Variants in RIMS3 observed in about 807,000 individuals in gnomAD.
RIMS3 encodes regulating synaptic membrane exocytosis protein 3.
RIMS3 carries 15 observed loss-of-function variants against 29.2 expected under a neutral mutation model. The ratio of observed to expected loss-of-function variants is 0.51; its 90% CI spans 0.34 to 0.79. RIMS3 has a LOEUF of 0.79. RIMS3 is among the 30% of genes least tolerant of loss of function. RIMS3 has a pLI of 0.01. For missense variants in RIMS3, 342 were observed against 421.4 expected, an observed-to-expected ratio of 0.81 and a Z score of 1.65; for synonymous variants, 161 against 170.1, an observed-to-expected ratio of 0.95 and a Z score of 0.41.
rs534924457 is a variant in RIMS3, at chr1:40,625,360, G to C, written c.*1157C>G. The C allele has an allele frequency of 2.0e-5, 3 of 152,700 alleles. No individual in the cohort carries two copies. The highest frequency in any genetic ancestry group is 4.4e-5 in the Non-Finnish European group (3 of 68,112). The allele number at this position is 152,700 out of a possible 1,614,324, so 9.5% of individuals were successfully genotyped here. ...GGTGGCAGACGAGAGTCCGGAGCCA[G>C]GCTGCTGGAGCCCAGCTAAGTCTGA... is the stretch of plus-strand genomic sequence containing the variant. On this transcript the variant is annotated 3_prime_UTR_variant, in exon 8 of 8. Coordinates refer to ENST00000372684, the MANE Select transcript of RIMS3 (RefSeq NM_014747.3).
chr1:40,673,834 TATC>T, the RIMS3 span, among the ~76,000 whole-genome samples: 1 of 152,216 alleles, frequency 6.6e-6, no homozygotes, highest in Non-Finnish European at 1.5e-5. Context: ...TGCTGTTTAT[TATC>T]TGTGGATCAC....
At chr1:40,679,862 A>G in the RIMS3 span, among the ~76,000 whole-genome samples, 1 of 152,310 alleles carries the variant, frequency 6.6e-6, no homozygotes, top group South Asian at 2.1e-4. Flanking sequence ...ATGAAAACCA[A>G]GAAGAAAGAG....
chr1:40,673,543 C>G, the RIMS3 span: 7 of 152,666 alleles, frequency 4.6e-5, no homozygotes, highest in Middle Eastern at 3.4e-3. Flanking sequence ...GCTCCTGGCC[C>G]TCTTCCCACT....
In RIMS3 at chr1:40,622,308, G is replaced by A. The variant is rs1646425939; in HGVS notation, c.*4209C>T. On this transcript the variant is annotated 3_prime_UTR_variant, in exon 8 of 8. Transcript: ENST00000372684. The stretch of plus-strand genomic sequence containing the variant: ...GACCAGGCCAGTCCAGCCCCCATCA[G>A]GGCTCACCTGATTGTGTGGGCTTCC... The A allele has an allele frequency of 6.6e-6, 1 of 152,642 alleles. No homozygotes were observed. Among genetic ancestry groups the A allele is most frequent in the African/African-American group, 2.4e-5 (1 of 41,448 alleles). 9.5% of individuals were successfully genotyped at this position (152,642 alleles called of 1,614,324 possible).
chr1:40,678,740 A>G, the RIMS3 span, among the ~76,000 whole-genome samples: 4 of 152,238 alleles, frequency 2.6e-5, no homozygotes, highest in African/African-American at 9.6e-5. Flanking sequence ...CTGAAAGCTT[A>G]GCGGGCAGCT....
At position 40,626,699 on chromosome 1, in the gene RIMS3, C is replaced by T; in HGVS notation, c.745G>A (p.Asp249Asn). 6.2e-7 allele frequency: 1 copy of T among 1,614,140 alleles called. No homozygotes were observed. The highest frequency in any genetic ancestry group is 8.5e-7 in the Non-Finnish European group (1 of 1,180,030). ...VIVWGDYGRM[D>N]HKCFMGMAQI... ...GCCATGCCCATGAAGCACTTGTGGT[C>T]CATGCGGCCATAGTCTCCCCAGACG... Residue 249 changes from aspartate to asparagine, a missense_variant, in exon 8 of 8, where the codon GAC (aspartate) becomes AAC (asparagine). By Grantham distance (23) the Asp-to-Asn change is conservative (BLOSUM62 1). Transcript: ENST00000372684.
chr1:40,641,158 C>G (rs1646553272), intron 3 of RIMS3, among the ~76,000 whole-genome samples: 1 of 152,056 alleles, frequency 6.6e-6, no homozygotes, highest in Non-Finnish European at 1.5e-5. Context: ...GTTTTTTAAA[C>G]CAGGGGGTCT....
chr1:40,633,243 C>T, intron 4 of RIMS3, 62 bp from the exon 5 acceptor site: 1 of 1,345,122 alleles, frequency 7.4e-7, no homozygotes, highest in East Asian at 2.3e-5. Flanking sequence ...GAAAGTATAG[C>T]TGGCAGGCTG....
upstream of RIMS3, among the ~76,000 whole-genome samples, chr1:40,670,574 T>TATATATATATATA (rs1642479702): frequency 5.6e-5 from 4 of 71,190 alleles, no homozygotes; most frequent in Non-Finnish European, 7.2e-5. Context: ...AGTTATAATT[T>TATATATATATATA]TATATATATA....
chr1:40,691,874 G>A, the RIMS3 span: 1 of 389,686 alleles, frequency 2.6e-6, no homozygotes, highest in South Asian at 1.7e-5. Flanking sequence ...AGAGGTGTGT[G>A]AGTGTGCGGG....
rs192870346 is a variant in RIMS3, at chr1:40,623,337, A to G, written c.*3180T>C. ...GGCTCCATTTACTGGAGCCTTTTTC[A>G]TACCAAAAACCCATTGCAGGGAAAA... On this transcript the variant is annotated 3_prime_UTR_variant, in exon 8 of 8. Transcript: ENST00000372684. The G allele has an allele frequency of 2.5e-5, 10 of 398,458 alleles. No individual in the cohort carries two copies. The East Asian group carries it at 3.2e-4, about 13-fold the overall frequency. 24.7% of individuals were successfully genotyped at this position (398,458 alleles called of 1,614,324 possible). A position where few individuals can be genotyped will look rare whatever the true frequency, so the allele number is the denominator to read the frequency against.
intron 1 of RIMS3, among the ~76,000 whole-genome samples, chr1:40,657,487 T>C (rs966045583): frequency 1.3e-5 from 2 of 152,176 alleles, no homozygotes; most frequent in African/African-American, 4.8e-5. Flanking sequence ...GAATCACACC[T>C]GTAATCCCAG....
intron 2 of RIMS3, among the ~76,000 whole-genome samples, chr1:40,645,955 G>A (rs1646592659): frequency 6.6e-6 from 1 of 152,174 alleles, no homozygotes; most frequent in Non-Finnish European, 1.5e-5. Context: ...GGCAGGAGGA[G>A]CCAGACCCAA....
chr1:40,629,788 C>A, intron 5 of RIMS3, among the ~76,000 whole-genome samples: 1 of 152,078 alleles, frequency 6.6e-6, no homozygotes, highest in East Asian at 1.9e-4. Flanking sequence ...AAAGAACATC[C>A]GTTTGAGGCC....
chr1:40,688,561 G>A, the RIMS3 span, among the ~76,000 whole-genome samples: 9 of 152,298 alleles, frequency 5.9e-5, no homozygotes, highest in African/African-American at 2.2e-4. Flanking sequence ...ATGATCAAAA[G>A]AACTAGAATA....
intron 4 of RIMS3, among the ~76,000 whole-genome samples, chr1:40,633,514 T>C (rs1646502190): frequency 6.6e-6 from 1 of 152,234 alleles, no homozygotes; most frequent in Non-Finnish European, 1.5e-5. Flanking sequence ...CCAGGGCATA[T>C]CAGTGCTAAG....
At chr1:40,669,342 C>T (rs1255979711), upstream of RIMS3, 1 of 152,180 alleles carries the variant, frequency 6.6e-6, no homozygotes. Context: ...CCAGAATTTA[C>T]TGCCACATTC....
chr1:40,629,238 C>G, intron 6 of RIMS3, 33 bp downstream of exon 6: 1 of 1,565,622 alleles, frequency 6.4e-7, no homozygotes, highest in Non-Finnish European at 8.8e-7. Flanking sequence ...CTATGCCCCT[C>G]CCTGTCAGGA....
chr1:40,663,899 G>A (rs1642387563), intron 1 of RIMS3, among the ~76,000 whole-genome samples: 1 of 152,202 alleles, frequency 6.6e-6, no homozygotes, highest in African/African-American at 2.4e-5. Flanking sequence ...GCACTGTGCT[G>A]CGCAGCTCAA....
Sources: allele counts gnomAD v4.1 joint callset (sites outside exome capture counted in the v4.1 genomes callset), GRCh38; gene constraint gnomAD v4.1.1; transcripts MANE v1.5; gene names NCBI Gene and HGNC (gene_info 2026-07-23, HGNC 2026-07-21).